The following PIK3CB variants were observed in gnomAD, a reference collection of about 807,000 sequenced individuals.
PIK3CB encodes the protein phosphatidylinositol-4,5-bisphosphate 3-kinase catalytic subunit beta, also known as phosphatidylinositol 4,5-bisphosphate 3-kinase catalytic subunit beta isoform.
PIK3CB carries 39 observed loss-of-function variants against 136.8 expected under a neutral mutation model. That is an observed-to-expected ratio of 0.29 (90% CI 0.22 to 0.37). The LOEUF is 0.37. PIK3CB is among the 10% of genes least tolerant of loss of function. PIK3CB has a pLI of 1.00. For missense variants in PIK3CB, 868 were observed against 1,275.4 expected, an observed-to-expected ratio of 0.68 and a Z score of 4.87; for synonymous variants, 428 against 436.6, an observed-to-expected ratio of 0.98 and a Z score of 0.25.
chr3:138,741,445 A>C (rs895074695), intron 5 of PIK3CB, among the ~76,000 whole-genome samples: 4 of 152,224 alleles, frequency 2.6e-5, no homozygotes, highest in African/African-American at 9.6e-5. Flanking sequence ...TCAACACAGA[A>C]CAACGACTGT....
chr3:138,829,837 G>T (rs1265320491), intron 1 of PIK3CB, among the ~76,000 whole-genome samples: 1 of 152,080 alleles, frequency 6.6e-6, no homozygotes, highest in Non-Finnish European at 1.5e-5. Context: ...TGGGAATTAA[G>T]AGATCCATGC....
At chr3:138,814,254 G>A (rs904113210) in intron 1 of PIK3CB, among the ~76,000 whole-genome samples, 1 of 152,088 alleles carries the variant, frequency 6.6e-6, no homozygotes, top group African/African-American at 2.4e-5. Flanking sequence ...CAGGCGGGAG[G>A]ATCACTTGAA....
intron 1 of PIK3CB, among the ~76,000 whole-genome samples, chr3:138,823,437 G>C (rs978734750): frequency 2.6e-5 from 4 of 151,804 alleles, no homozygotes; most frequent in Admixed American, 2.6e-4. Flanking sequence ...GGGCAAGGTG[G>C]CTCACGCCTG....
chr3:138,687,755 A>T (rs1471423110), intron 16 of PIK3CB, among the ~76,000 whole-genome samples: 1 of 152,172 alleles, frequency 6.6e-6, no homozygotes, highest in African/African-American at 2.4e-5. Flanking sequence ...GCATCTGGCC[A>T]CAGTCTACAT....
At chr3:138,661,122 G>A (rs550790802) in intron 21 of PIK3CB, among the ~76,000 whole-genome samples, 1 of 152,282 alleles carries the variant, frequency 6.6e-6, no homozygotes, top group Non-Finnish European at 1.5e-5. Flanking sequence ...CATTTACTAC[G>A]CCGACTTTCA....
At chr3:138,800,517 A>G (rs991085929) in intron 1 of PIK3CB, among the ~76,000 whole-genome samples, 43 of 150,052 alleles carry the variant, frequency 2.9e-4, no homozygotes, top group Non-Finnish European at 3.0e-5. Context: ...GGGGTCTACT[A>G]TGTGGTCCAG....
chr3:138,736,291 A>G (rs2045101745), intron 6 of PIK3CB, among the ~76,000 whole-genome samples: 1 of 152,188 alleles, frequency 6.6e-6, no homozygotes. Flanking sequence ...CCTGGACCTT[A>G]TATGTACTAA....
chr3:138,828,184 C>CTT (rs1176715980), intron 1 of PIK3CB, among the ~76,000 whole-genome samples: 121 of 131,074 alleles, frequency 9.2e-4, no homozygotes, highest in Non-Finnish European at 1.1e-3. Context: ...ATTAAATTTC[C>CTT]TTTTTTTTTT....
chr3:138,734,938 A>AT (rs1352398598), intron 6 of PIK3CB, 134 bp from the exon 7 acceptor site: 37 of 501,684 alleles, frequency 7.4e-5, no homozygotes, highest in Non-Finnish European at 7.6e-5. Flanking sequence ...ATATCAAGAA[A>AT]TTAAAAAAAA....
chr3:138,815,170 TATATATAC>T (rs1408875344), intron 1 of PIK3CB, among the ~76,000 whole-genome samples: 102 of 115,778 alleles, frequency 8.8e-4, no homozygotes, highest in African/African-American at 3.4e-3. Context: ...AAAATATATA[TATATATAC>T]ATATATATAT....
intron 1 of PIK3CB, among the ~76,000 whole-genome samples, chr3:138,830,077 C>T (rs527741620): frequency 2.0e-5 from 3 of 152,200 alleles, no homozygotes; most frequent in South Asian, 2.1e-4. Flanking sequence ...TAGGGACAGG[C>T]CGGAAGCCCT....
intron 8 of PIK3CB, among the ~76,000 whole-genome samples, chr3:138,715,402 C>T (rs910730789): frequency 4.6e-5 from 7 of 152,128 alleles, no homozygotes; most frequent in African/African-American, 1.7e-4. Flanking sequence ...GAGCTAAAAA[C>T]AGTAGTAAAA....
intron 1 of PIK3CB, chr3:138,825,681 G>GC (rs1253693462): frequency 3.1e-6 from 2 of 651,524 alleles, no homozygotes; most frequent in Non-Finnish European, 5.6e-6. Context: ...ACAAACCCTT[G>GC]CATCTGTCTC....
At chr3:138,676,915 T>A (rs1429584619) in intron 19 of PIK3CB, among the ~76,000 whole-genome samples, 1 of 152,164 alleles carries the variant, frequency 6.6e-6, no homozygotes, top group Non-Finnish European at 1.5e-5. Context: ...GTAAAATTAA[T>A]TGTAGTGATG....
chr3:138,666,495 C>A (rs1218423513), intron 19 of PIK3CB, among the ~76,000 whole-genome samples: 1 of 152,094 alleles, frequency 6.6e-6, no homozygotes, highest in African/African-American at 2.4e-5. Context: ...TCTAAGATTT[C>A]TTTTGTGACT....
At chr3:138,754,209 GGCA>G (rs1377480900) in intron 4 of PIK3CB, among the ~76,000 whole-genome samples, 6 of 152,094 alleles carry the variant, frequency 3.9e-5, no homozygotes, top group Non-Finnish European at 8.8e-5. Context: ...GGCTGAGGCA[GGCA>G]GACAGCTCGA....
intron 1 of PIK3CB, among the ~76,000 whole-genome samples, chr3:138,803,917 A>G (rs2046203451): frequency 1.3e-5 from 2 of 152,188 alleles, no homozygotes; most frequent in Non-Finnish European, 2.9e-5. Flanking sequence ...GACCAGAATC[A>G]ATTCACTGGA....
chr3:138,689,859 C>CGG (rs1171781738), intron 15 of PIK3CB, among the ~76,000 whole-genome samples: 1 of 152,140 alleles, frequency 6.6e-6, no homozygotes, highest in Non-Finnish European at 1.5e-5. Context: ...TGCTTTTGTA[C>CGG]GGGTAAGGCA....
intron 1 of PIK3CB, chr3:138,825,045 A>C (rs1435632875): frequency 4.3e-6 from 1 of 233,878 alleles, no homozygotes; most frequent in African/African-American, 2.3e-5. Flanking sequence ...TGGGTGACAG[A>C]GTGAGACCCT....
Sources: gnomAD v4.1 joint callset for allele counts (sites outside exome capture counted in the v4.1 genomes callset) on GRCh38, gnomAD v4.1.1 for gene constraint, MANE v1.5 for transcripts, NCBI Gene and HGNC (gene_info 2026-07-23, HGNC 2026-07-21) for gene names.